SIL1: variants seen among roughly 807,000 people sequenced by gnomAD.
The protein encoded by SIL1 is SIL1 nucleotide exchange factor, also known as nucleotide exchange factor SIL1.
Under a neutral mutation model 49.1 loss-of-function variants are expected in SIL1, and 40 were observed. That is an observed-to-expected ratio of 0.81 (90% confidence interval 0.63 to 1.06). SIL1 has a LOEUF of 1.06. Ranked by LOEUF, SIL1 falls within the 50% of genes least tolerant of loss-of-function variation. SIL1 has a pLI of 0.00. For synonymous variants in SIL1, 253 were observed against 250.8 expected, an observed-to-expected ratio of 1.01 and a Z score of -0.08; for missense variants, 500 against 572.6, an observed-to-expected ratio of 0.87 and a Z score of 1.29.
chr5:139,167,470 T>C (rs972617158), intron 1 of SIL1, among the ~76,000 whole-genome samples: 2 of 152,112 alleles, frequency 1.3e-5, no homozygotes, highest in African/African-American at 2.4e-5. Flanking sequence ...TTGTCTTTAT[T>C]TTTAACAAAA....
chr5:139,187,881 C>T (rs909771746), intron 1 of SIL1: 1 of 152,216 alleles, frequency 6.6e-6, no homozygotes, highest in Non-Finnish European at 1.5e-5. Context: ...GGATTTCCCC[C>T]TTGCTGTTTT....
At chr5:139,069,533 A>G (rs1769782339) in intron 3 of SIL1, among the ~76,000 whole-genome samples, 1 of 152,140 alleles carries the variant, frequency 6.6e-6, no homozygotes, top group Non-Finnish European at 1.5e-5. Flanking sequence ...AATACCAAAA[A>G]CCATGTTTCT....
At chr5:139,110,519 AAT>A (rs1158883004) in intron 3 of SIL1, among the ~76,000 whole-genome samples, 1 of 152,224 alleles carries the variant, frequency 6.6e-6, no homozygotes, top group Non-Finnish European at 1.5e-5. Context: ...TGTTTGCCCA[AAT>A]CCACATATTA....
chr5:139,008,932 T>C (rs1199122375), intron 7 of SIL1, among the ~76,000 whole-genome samples: 1 of 151,248 alleles, frequency 6.6e-6, no homozygotes, highest in African/African-American at 2.4e-5. Context: ...AAAAAATGTA[T>C]ATTCTGTTGA....
At chr5:139,043,171 G>A (rs1472434829) in intron 4 of SIL1, among the ~76,000 whole-genome samples, 3 of 152,200 alleles carry the variant, frequency 2.0e-5, no homozygotes, top group Admixed American at 6.5e-5. Flanking sequence ...GAGGAAAGAC[G>A]CAGCTGAAAA....
At chr5:139,162,894 T>C (rs1375655853) in intron 1 of SIL1, among the ~76,000 whole-genome samples, 19 of 152,002 alleles carry the variant, frequency 1.2e-4, no homozygotes, top group Non-Finnish European at 2.9e-5. Flanking sequence ...GTGACTTAAG[T>C]AGTCACTTTA....
intron 7 of SIL1, among the ~76,000 whole-genome samples, chr5:138,990,763 TG>T (rs1287808193): frequency 6.6e-6 from 1 of 152,236 alleles, no homozygotes; most frequent in Non-Finnish European, 1.5e-5. Context: ...AGAGTCTTGC[TG>T]AAGTCCAGTG....
At position 139,056,603 on chromosome 5, in the gene SIL1, T is replaced by G. The variant is rs1184323548; in HGVS notation, c.245-5557A>C. Among the ~76,000 whole-genome samples, 146 of 126,814 alleles carry G rather than the reference T, an allele frequency of 1.2e-3. 2 individuals are homozygous for G. The highest frequency in any genetic ancestry group is 4.3e-3 in the African/African-American group (131 of 30,556). The allele number at this position is 126,814 out of a possible 152,430, so 83.2% of individuals were successfully genotyped here. The stretch of plus-strand genomic sequence containing the variant: ...CCCGTCCGGGAGGGAGGTGGGGGGG[T>G]CAGCCCCCCGCCCGGCCAGCCGCCC... On this transcript the variant is annotated intron_variant, in intron 3 of 9. Transcript: ENST00000394817.
chr5:138,947,884 G>A lies in SIL1; in HGVS notation c.1030-411C>T, dbSNP rs374845788. Among the ~76,000 whole-genome samples the A allele has an allele frequency of 1.7e-4, 26 of 152,240 alleles. No homozygotes were observed. In the East Asian group the frequency reaches 3.5e-3, roughly 20 times the overall value. On this transcript the variant is annotated intron_variant, in intron 9 of 9. Transcript: ENST00000394817. This position sits in a 1 kb window ranked among gnomAD's most constrained non-coding sequence, Gnocchi z 4.1. ...GCACTTAGCCTCCCTGAGACTCATCGTCATCACCTCCTAAGTGGAGAAACT... is the reference window on the plus strand; with the variant it reads ...GCACTTAGCCTCCCTGAGACTCATCATCATCACCTCCTAAGTGGAGAAACT...
intron 3 of SIL1, among the ~76,000 whole-genome samples, chr5:139,070,060 G>T (rs1234956961): frequency 6.6e-5 from 10 of 152,100 alleles, no homozygotes. Flanking sequence ...TTGTATAAAT[G>T]CCTTAAATAA....
intron 7 of SIL1, among the ~76,000 whole-genome samples, chr5:139,020,822 C>T (rs573274486): frequency 1.3e-5 from 2 of 152,324 alleles, no homozygotes; most frequent in Non-Finnish European, 2.9e-5. Flanking sequence ...TTATTCGTCA[C>T]TAGATGTAGC....
intron 4 of SIL1, among the ~76,000 whole-genome samples, chr5:139,043,445 T>C (rs1461989308): frequency 1.3e-5 from 2 of 152,190 alleles, no homozygotes; most frequent in East Asian, 3.8e-4. Flanking sequence ...CCTGAACTGA[T>C]TAGACAAGGC....
rs755390396 is a variant in SIL1, at chr5:138,951,156, G to A, written c.1029+15C>T. 7.5e-6 allele frequency: 12 copies of A among 1,609,794 alleles called. No individual in the cohort carries two copies. Among genetic ancestry groups the A allele is most frequent in the Non-Finnish European group, 1.0e-5 (12 of 1,178,078 alleles). On this transcript the variant is annotated intron_variant, in intron 9 of 9. Transcript: ENST00000394817. ...AAAGCAAACAAGAGGAGACTGGGTG[G>A]GCCTGGGCACTCACCTTCTCCGTGA... is the stretch of plus-strand genomic sequence containing the variant.
intron 1 of SIL1, among the ~76,000 whole-genome samples, chr5:139,177,028 G>A (rs1751898700): frequency 6.7e-6 from 1 of 149,124 alleles, no homozygotes; most frequent in African/African-American, 2.5e-5. Flanking sequence ...CGCTTTCTGG[G>A]TTCATGCCAT....
At chr5:139,014,659 CAG>C (rs1427159058) in intron 7 of SIL1, among the ~76,000 whole-genome samples, 1 of 152,148 alleles carries the variant, frequency 6.6e-6, no homozygotes, top group Admixed American at 6.5e-5. Flanking sequence ...TGGTCAGAGT[CAG>C]AGGTCATTTT....
chr5:139,084,695 T>G (rs2151772496), intron 3 of SIL1, among the ~76,000 whole-genome samples: 2 of 137,096 alleles, frequency 1.5e-5, no homozygotes, highest in African/African-American at 5.4e-5. Flanking sequence ...GATGACACAT[T>G]AGTGGGTGCA....
chr5:138,990,990 A>G (rs1192184368), intron 7 of SIL1, among the ~76,000 whole-genome samples: 1 of 152,274 alleles, frequency 6.6e-6, no homozygotes, highest in Non-Finnish European at 1.5e-5. Context: ...TGTTGGGATT[A>G]CAGGCGTTAG....
At chr5:139,080,786 A>G (rs1171671683) in intron 3 of SIL1, among the ~76,000 whole-genome samples, 1 of 152,184 alleles carries the variant, frequency 6.6e-6, no homozygotes, top group African/African-American at 2.4e-5. Flanking sequence ...TTAAGTGACA[A>G]TTATGTGATT....
intron 7 of SIL1, among the ~76,000 whole-genome samples, chr5:139,002,779 A>C (rs1768015692): frequency 6.6e-6 from 1 of 152,304 alleles, no homozygotes; most frequent in South Asian, 2.1e-4. Context: ...GCTCCTTCCA[A>C]CTGGCTTACT....
Sources: allele counts gnomAD v4.1 joint callset (sites outside exome capture counted in the v4.1 genomes callset), GRCh38; gene constraint gnomAD v4.1.1; non-coding constraint Gnocchi (gnomAD v3.1); transcripts MANE v1.5; gene names NCBI Gene and HGNC (gene_info 2026-07-23, HGNC 2026-07-21).